TBC1D5: variants seen among roughly 807,000 people sequenced by gnomAD.
The protein encoded by TBC1D5 is TBC1 domain family member 5.
A neutral mutation model predicts 100.3 loss-of-function variants in TBC1D5; 75 were observed. The observed-to-expected ratio is 0.75, with a 90% confidence interval of 0.62 to 0.91. TBC1D5 has a LOEUF of 0.91. Among genes scored for constraint, TBC1D5 ranks in the 40% least tolerant of loss-of-function variants. The pLI, the probability that TBC1D5 is intolerant of heterozygous loss-of-function variation, is 0.00. For missense variants in TBC1D5, 910 were observed against 942.4 expected (o/e 0.97, Z 0.45); for synonymous variants, 323 against 325.6 (o/e 0.99, Z 0.09).
intron 4 of TBC1D5, among the ~76,000 whole-genome samples, chr3:17,420,975 G>C (rs2094193723): frequency 6.6e-6 from 1 of 152,216 alleles, no homozygotes; most frequent in African/African-American, 2.4e-5. Context: ...AAAAGGGCTT[G>C]AAGGGGTTTC....
chr3:17,458,583 T>A (rs1231065687), intron 3 of TBC1D5, among the ~76,000 whole-genome samples: 4 of 152,200 alleles, frequency 2.6e-5, no homozygotes, highest in Admixed American at 2.0e-4. Context: ...TCTAGAGGTG[T>A]ACAGCTGTGT....
intron 2 of TBC1D5, among the ~76,000 whole-genome samples, chr3:17,546,118 A>G (rs1238750319): frequency 1.3e-5 from 2 of 152,246 alleles, no homozygotes; most frequent in Non-Finnish European, 1.5e-5. Flanking sequence ...ACCCTCTTAT[A>G]TAATTCCTTA....
At chr3:17,369,273 T>G (rs1407562073) in intron 13 of TBC1D5, among the ~76,000 whole-genome samples, 2 of 152,108 alleles carry the variant, frequency 1.3e-5, no homozygotes, top group Non-Finnish European at 2.9e-5. Context: ...TAACTAATGA[T>G]TCACACAGGA....
chr3:17,446,564 G>T (rs1424396283), intron 3 of TBC1D5, among the ~76,000 whole-genome samples: 1 of 152,156 alleles, frequency 6.6e-6, no homozygotes, highest in Non-Finnish European at 1.5e-5. Context: ...ATGTAATCTG[G>T]AATGTCAGAT....
chr3:17,437,578 G>T (rs1386825485), intron 3 of TBC1D5, among the ~76,000 whole-genome samples: 1 of 151,150 alleles, frequency 6.6e-6, no homozygotes, highest in Non-Finnish European at 1.5e-5. Context: ...GTGTGTGTGT[G>T]TGTGTGGTGG....
At chr3:17,288,832 C>G (rs1048411633) in intron 15 of TBC1D5, among the ~76,000 whole-genome samples, 10 of 152,196 alleles carry the variant, frequency 6.6e-5, no homozygotes, top group Non-Finnish European at 1.0e-4. Context: ...ACACCAAAGG[C>G]TGTAACAACT....
intron 14 of TBC1D5, among the ~76,000 whole-genome samples, chr3:17,297,189 G>C (rs1656579566): frequency 6.6e-6 from 1 of 152,220 alleles, no homozygotes; most frequent in Non-Finnish European, 1.5e-5. Flanking sequence ...TATGAACTTT[G>C]AAGGATATCA....
intron 2 of TBC1D5, among the ~76,000 whole-genome samples, chr3:17,622,430 T>C (rs190101725): frequency 6.6e-6 from 1 of 152,338 alleles, no homozygotes; most frequent in African/African-American, 2.4e-5. Flanking sequence ...GTACCATTTA[T>C]GCGTAGCAAT....
chr3:17,396,556 A>G (rs2093510951), intron 8 of TBC1D5, among the ~76,000 whole-genome samples: 1 of 152,050 alleles, frequency 6.6e-6, no homozygotes, highest in South Asian at 2.1e-4. Context: ...CTTTTTCAAA[A>G]TAGGAACTGA....
At chr3:17,500,653 T>C (rs1477956329) in intron 3 of TBC1D5, among the ~76,000 whole-genome samples, 1 of 149,632 alleles carries the variant, frequency 6.7e-6, no homozygotes, top group Non-Finnish European at 1.5e-5. Flanking sequence ...TTGAACCTTC[T>C]GGAAGCTCTC....
At chr3:17,509,477 AT>A (rs1204111488) in intron 2 of TBC1D5, among the ~76,000 whole-genome samples, 3 of 152,034 alleles carry the variant, frequency 2.0e-5, no homozygotes, top group Non-Finnish European at 2.9e-5. Flanking sequence ...TTTCTCCTTG[AT>A]TCTCATTAAC....
chr3:17,532,118 T>A (rs984015465), intron 2 of TBC1D5, among the ~76,000 whole-genome samples: 17 of 152,158 alleles, frequency 1.1e-4, no homozygotes, highest in African/African-American at 3.4e-4. Context: ...GAATCTACAA[T>A]GAACTCAAAC....
At chr3:17,338,410 A>G (rs190885629) in intron 13 of TBC1D5, 126 of 152,332 alleles carry the variant, frequency 8.3e-4, no homozygotes, top group African/African-American at 2.9e-3. Flanking sequence ...CACCTCCAGC[A>G]GCTACTTCCC....
chr3:17,378,296 A>G (rs1273878274), intron 9 of TBC1D5, among the ~76,000 whole-genome samples: 1 of 151,732 alleles, frequency 6.6e-6, no homozygotes, highest in Non-Finnish European at 1.5e-5. Flanking sequence ...AATATGTGTT[A>G]AAGTCTGGTA....
intron 13 of TBC1D5, among the ~76,000 whole-genome samples, chr3:17,310,870 A>C (rs535374231): frequency 8.5e-5 from 13 of 152,130 alleles, no homozygotes; most frequent in South Asian, 4.1e-4. Context: ...ATTTAAGAAG[A>C]AGCATATAAC....
chr3:17,622,565 T>A (rs529339805), intron 2 of TBC1D5: 1 of 151,774 alleles, frequency 6.6e-6, no homozygotes, highest in African/African-American at 2.4e-5. Flanking sequence ...GGAAAAAAAT[T>A]AAGATTTTTT....
chr3:17,254,547 A>G (rs1022175044), intron 16 of TBC1D5, among the ~76,000 whole-genome samples: 3 of 152,056 alleles, frequency 2.0e-5, no homozygotes, highest in African/African-American at 7.2e-5. Flanking sequence ...TGCCTATGTT[A>G]TATTTTTCCT....
intron 1 of TBC1D5, among the ~76,000 whole-genome samples, chr3:17,689,239 G>A (rs1353191559): frequency 1.3e-5 from 2 of 152,038 alleles, no homozygotes; most frequent in African/African-American, 2.4e-5. Flanking sequence ...TAGAAAATGC[G>A]TTAGACACTC....
intron 13 of TBC1D5, among the ~76,000 whole-genome samples, chr3:17,319,106 G>A (rs996540225): frequency 6.6e-6 from 1 of 152,200 alleles, no homozygotes; most frequent in African/African-American, 2.4e-5. Context: ...CAGAAACTCA[G>A]TGAAGTTTAG....
Sources: gnomAD v4.1 joint callset for allele counts (sites outside exome capture counted in the v4.1 genomes callset) on GRCh38, gnomAD v4.1.1 for gene constraint, MANE v1.5 for transcripts, NCBI Gene and HGNC (gene_info 2026-07-23, HGNC 2026-07-21) for gene names.